RASEF: variants seen among roughly 807,000 people sequenced by gnomAD.
RASEF encodes ras and EF-hand domain-containing protein.
RASEF carries 68 observed loss-of-function variants against 90.1 expected under a neutral mutation model. The ratio of observed to expected loss-of-function variants is 0.75; its 90% confidence interval spans 0.62 to 0.92. The LOEUF is 0.92. Ranked by LOEUF, RASEF falls within the 40% of genes least tolerant of loss-of-function variation. The pLI is 0.00. For synonymous variants in RASEF, 331 were observed against 345.2 expected, an observed-to-expected ratio of 0.96 and a Z score of 0.46; for missense variants, 949 against 937.2, an observed-to-expected ratio of 1.01 and a Z score of -0.16.
the RASEF span, among the ~76,000 whole-genome samples, chr9:83,108,035 C>T: frequency 2.0e-5 from 3 of 152,080 alleles, no homozygotes; most frequent in Non-Finnish European, 2.9e-5. Context: ...AAAATTAAGT[C>T]ATGGTGATAT....
the RASEF span, among the ~76,000 whole-genome samples, chr9:83,117,122 G>T: frequency 6.6e-6 from 1 of 152,108 alleles, no homozygotes; most frequent in Non-Finnish European, 1.5e-5. Context: ...TTCAACTCAT[G>T]TTGGGGCCAT....
chr9:82,999,998 CA>C (rs1828994963), intron 12 of RASEF, among the ~76,000 whole-genome samples, 170 bp downstream of exon 12: 3 of 36,470 alleles, frequency 8.2e-5, no homozygotes, highest in African/African-American at 1.1e-4. Context: ...CACACACACA[CA>C]CACACACACA....
At chr9:83,098,404 C>T in the RASEF span, among the ~76,000 whole-genome samples, 7 of 152,016 alleles carry the variant, frequency 4.6e-5, no homozygotes, top group African/African-American at 1.2e-4. Context: ...ATTAATCCCA[C>T]GATTTTATGT....
chr9:83,186,198 G>A, the RASEF span, among the ~76,000 whole-genome samples: 1 of 152,112 alleles, frequency 6.6e-6, no homozygotes, highest in Non-Finnish European at 1.5e-5. Flanking sequence ...AGAACCCCTG[G>A]TTTGAGGAGT....
intron 3 of RASEF, among the ~76,000 whole-genome samples, chr9:83,017,621 AGGTGAGAAAT>A (rs989733400): frequency 4.6e-5 from 7 of 152,368 alleles, no homozygotes; most frequent in African/African-American, 1.4e-4. Context: ...ACAGTAATGC[AGGTGAGAAAT>A]GGTAGTGGTT....
At chr9:83,156,562 A>C in the RASEF span, among the ~76,000 whole-genome samples, 4 of 152,032 alleles carry the variant, frequency 2.6e-5, no homozygotes, top group Non-Finnish European at 4.4e-5. Flanking sequence ...CTTACTGATG[A>C]CTCCAAAATT....
At chr9:83,044,842 G>C (rs1375062880) in intron 1 of RASEF, among the ~76,000 whole-genome samples, 1 of 152,210 alleles carries the variant, frequency 6.6e-6, no homozygotes, top group Non-Finnish European at 1.5e-5. Context: ...TAAATCAGTA[G>C]ACTTCGAGTA....
chr9:83,197,528 T>TA, the RASEF span, among the ~76,000 whole-genome samples: 50 of 151,968 alleles, frequency 3.3e-4, no homozygotes, highest in South Asian at 1.2e-3. Flanking sequence ...GATGATTTTT[T>TA]AAAAAAATTT....
At chr9:83,196,213 G>A in the RASEF span, among the ~76,000 whole-genome samples, 3 of 152,024 alleles carry the variant, frequency 2.0e-5, no homozygotes, top group South Asian at 2.1e-4. Flanking sequence ...GAGAGGAAAC[G>A]GTTAATGTCA....
At chr9:83,015,499 G>A (rs994174698) in intron 4 of RASEF, among the ~76,000 whole-genome samples, 5 of 152,106 alleles carry the variant, frequency 3.3e-5, no homozygotes, top group Non-Finnish European at 7.4e-5. Flanking sequence ...TGGCCGACAT[G>A]GTGAAACCCG....
chr9:83,008,938 C>T (rs553529549), intron 6 of RASEF, among the ~76,000 whole-genome samples: 11 of 43,598 alleles, frequency 2.5e-4, no homozygotes, highest in Admixed American at 8.8e-4. Context: ...ATATATATGA[C>T]GTGGGCTCTG....
At chr9:83,160,995 A>T in the RASEF span, among the ~76,000 whole-genome samples, 1 of 152,128 alleles carries the variant, frequency 6.6e-6, no homozygotes, top group Non-Finnish European at 1.5e-5. Context: ...ATTTCGGAAG[A>T]TATATGGACT....
chr9:83,101,482 G>A, the RASEF span, among the ~76,000 whole-genome samples: 284 of 152,316 alleles, frequency 1.9e-3, no homozygotes, highest in African/African-American at 6.5e-3. Flanking sequence ...GCATGAGCAG[G>A]TCACTAAAGT....
At chr9:82,995,675 G>A (rs1322489051) in intron 14 of RASEF, among the ~76,000 whole-genome samples, 3 of 151,748 alleles carry the variant, frequency 2.0e-5, no homozygotes, top group Non-Finnish European at 4.4e-5. Flanking sequence ...CAAACTCCTC[G>A]GCTCAAACCA....
intron 15 of RASEF, among the ~76,000 whole-genome samples, chr9:82,990,682 T>C (rs1241717889): frequency 1.3e-5 from 2 of 152,224 alleles, no homozygotes; most frequent in Non-Finnish European, 2.9e-5. Flanking sequence ...GACTTTTACT[T>C]TACATTAAAA....
the RASEF span, among the ~76,000 whole-genome samples, chr9:83,123,984 T>A: frequency 6.6e-6 from 1 of 151,986 alleles, no homozygotes; most frequent in Admixed American, 6.5e-5. Context: ...GGCAAACACC[T>A]TTCTACTTTT....
chr9:83,207,801 T>G, the RASEF span, among the ~76,000 whole-genome samples: 1 of 152,208 alleles, frequency 6.6e-6, no homozygotes. Flanking sequence ...AGAGATGGGA[T>G]TTCGCCATGT....
At chr9:83,148,974 G>A in the RASEF span, among the ~76,000 whole-genome samples, 3 of 152,206 alleles carry the variant, frequency 2.0e-5, no homozygotes, top group Non-Finnish European at 4.4e-5. Context: ...TCACAGCTTG[G>A]CTGGCCCCAC....
chr9:83,145,191 A>T, the RASEF span, among the ~76,000 whole-genome samples: 1 of 152,154 alleles, frequency 6.6e-6, no homozygotes, highest in South Asian at 2.1e-4. Flanking sequence ...AAATACAGAC[A>T]GGACAGAACC....
Sources: allele counts gnomAD v4.1 joint callset (sites outside exome capture counted in the v4.1 genomes callset), GRCh38; gene constraint gnomAD v4.1.1; transcripts MANE v1.5; gene names NCBI Gene and HGNC (gene_info 2026-07-23, HGNC 2026-07-21).